ARL15: variants seen among roughly 807,000 people sequenced by gnomAD.
ARL15 encodes the protein ADP-ribosylation factor-like protein 15.
In ARL15, 19 loss-of-function variants were observed where a neutral mutation model predicts 25.2. The observed-to-expected ratio is 0.75, with a 90% confidence interval of 0.53 to 1.10. The LOEUF (loss-of-function observed/expected upper bound fraction) is 1.10. Ranked by LOEUF, ARL15 falls within the 50% of genes least tolerant of loss-of-function variation. The pLI, the probability that ARL15 is intolerant of heterozygous loss-of-function variation, is 0.00. For missense variants in ARL15, 220 were observed against 246.0 expected, an observed-to-expected ratio of 0.89 and a Z score of 0.71; for synonymous variants, 94 against 86.8, an observed-to-expected ratio of 1.08 and a Z score of -0.46.
intron 3 of ARL15, among the ~76,000 whole-genome samples, chr5:54,120,448 A>G (rs900770184): frequency 6.6e-6 from 1 of 152,192 alleles, no homozygotes; most frequent in South Asian, 2.1e-4. Flanking sequence ...TCCTTGGGAT[A>G]CTTTTTGATT....
At chr5:54,006,051 CAAAAAAAA>C (rs56094450) in intron 4 of ARL15, among the ~76,000 whole-genome samples, 4 of 57,568 alleles carry the variant, frequency 6.9e-5, no homozygotes, top group East Asian at 4.7e-4. Flanking sequence ...ATTACATCTC[CAAAAAAAA>C]AAAAAAAAAA....
At chr5:54,199,216 C>G (rs1431090546) in intron 1 of ARL15, among the ~76,000 whole-genome samples, 1 of 152,146 alleles carries the variant, frequency 6.6e-6, no homozygotes, top group Non-Finnish European at 1.5e-5. Flanking sequence ...CTAGGCAATA[C>G]TATTCAGGAC....
At chr5:54,267,419 G>A (rs1012517829) in intron 1 of ARL15, among the ~76,000 whole-genome samples, 8 of 152,208 alleles carry the variant, frequency 5.3e-5, no homozygotes, top group African/African-American at 1.4e-4. Context: ...AATGATCCTC[G>A]AAATTGTTTG....
chr5:53,983,884 C>A (rs577328704), intron 4 of ARL15, among the ~76,000 whole-genome samples: 28 of 152,264 alleles, frequency 1.8e-4, no homozygotes, highest in Admixed American at 1.6e-3. Flanking sequence ...GAACTGCTAA[C>A]CCTCCCACCA....
chr5:54,260,127 A>G (rs2112620039), intron 1 of ARL15, among the ~76,000 whole-genome samples: 1 of 152,298 alleles, frequency 6.6e-6, no homozygotes, highest in South Asian at 2.1e-4. Context: ...TCCCTTGGCC[A>G]TCCTAGCGTG....
intron 1 of ARL15, among the ~76,000 whole-genome samples, chr5:54,250,513 T>C (rs1192153546): frequency 6.6e-6 from 1 of 152,144 alleles, no homozygotes; most frequent in African/African-American, 2.4e-5. Flanking sequence ...AATACCTGAT[T>C]GTGCAGTCTC....
chr5:53,987,847 A>G (rs1479747553), intron 4 of ARL15, among the ~76,000 whole-genome samples: 2 of 152,234 alleles, frequency 1.3e-5, no homozygotes, highest in Non-Finnish European at 2.9e-5. Flanking sequence ...TCATGCCTGT[A>G]ATCCCAGCAC....
chr5:54,213,982 A>G (rs1756114805), intron 1 of ARL15, among the ~76,000 whole-genome samples: 1 of 152,206 alleles, frequency 6.6e-6, no homozygotes, highest in Non-Finnish European at 1.5e-5. Context: ...ATTTGAACAC[A>G]TATATGAGAG....
chr5:53,961,677 A>C (rs1747378833), intron 4 of ARL15, among the ~76,000 whole-genome samples: 2 of 152,192 alleles, frequency 1.3e-5, no homozygotes, highest in African/African-American at 4.8e-5. Context: ...ACATAGGTTT[A>C]GAAAATTCCA....
At chr5:53,998,003 T>G (rs1031775453) in intron 4 of ARL15, among the ~76,000 whole-genome samples, 1 of 151,094 alleles carries the variant, frequency 6.6e-6, no homozygotes, top group Non-Finnish European at 1.5e-5. Context: ...AGAGAAAATG[T>G]GATTTACTGA....
intron 4 of ARL15, among the ~76,000 whole-genome samples, chr5:54,034,004 G>A (rs1473822975): frequency 1.3e-5 from 2 of 151,962 alleles, no homozygotes; most frequent in Admixed American, 6.6e-5. Context: ...TAGTAAAGAC[G>A]GGGTTTCACC....
chr5:54,281,164 A>C (rs1758054301), intron 1 of ARL15, among the ~76,000 whole-genome samples: 2 of 152,280 alleles, frequency 1.3e-5, no homozygotes, highest in African/African-American at 4.8e-5. Flanking sequence ...TTTGAGACCG[A>C]GTTTCGCTCT....
chr5:53,964,440 T>A (rs6450174), intron 4 of ARL15, among the ~76,000 whole-genome samples: 30,359 of 151,950 alleles, frequency 0.2, 5,526 homozygotes, highest in African/African-American at 0.48. Context: ...GCTCACTGCA[T>A]GCTCCGCCTC....
At chr5:54,116,602 TC>T (rs1425926455) in intron 3 of ARL15, among the ~76,000 whole-genome samples, 1 of 152,212 alleles carries the variant, frequency 6.6e-6, no homozygotes, top group East Asian at 1.9e-4. Context: ...CAGAATGCTT[TC>T]ATTGAGTTTC....
intron 3 of ARL15, among the ~76,000 whole-genome samples, chr5:54,136,862 T>G (rs1484588277): frequency 6.6e-6 from 1 of 151,402 alleles, no homozygotes; most frequent in Non-Finnish European, 1.5e-5. Flanking sequence ...CAGGACAGTC[T>G]GCCTGGGTTT....
intron 4 of ARL15, among the ~76,000 whole-genome samples, chr5:54,083,896 T>C (rs1325262078): frequency 6.6e-6 from 1 of 152,200 alleles, no homozygotes; most frequent in Non-Finnish European, 1.5e-5. Flanking sequence ...AGATTTATCA[T>C]ACATATGCTA....
At chr5:54,263,833 C>T (rs1757558375) in intron 1 of ARL15, among the ~76,000 whole-genome samples, 1 of 152,128 alleles carries the variant, frequency 6.6e-6, no homozygotes, top group African/African-American at 2.4e-5. Context: ...GCACCTCCAA[C>T]TCACACATCT....
At position 54,261,975 on chromosome 5, in the gene ARL15, T is replaced by C. The variant is rs114749699; in HGVS notation, c.48+48457A>G. 7.7e-3 allele frequency among the ~76,000 whole-genome samples: 1,170 copies of C among 152,328 alleles called. 11 individuals are homozygous for C. Among genetic ancestry groups the C allele is most frequent in the African/African-American group, 0.027 (1,106 of 41,574 alleles). Reference sequence around the variant, plus strand: ...TAGACTAAGTTTATCTGGGATAATGTATGTTTTCAATATAAGACCTTTTCT... The same window carrying C: ...TAGACTAAGTTTATCTGGGATAATGCATGTTTTCAATATAAGACCTTTTCT... On this transcript the variant is annotated intron_variant, in intron 1 of 4. Transcript: ENST00000504924.
At chr5:54,125,009 T>C (rs192122014) in intron 3 of ARL15, among the ~76,000 whole-genome samples, 27 of 152,224 alleles carry the variant, frequency 1.8e-4, no homozygotes, top group African/African-American at 6.3e-4. Context: ...CTTCCTTGAA[T>C]AGGTATCTTC....
Sources: allele counts gnomAD v4.1 joint callset (sites outside exome capture counted in the v4.1 genomes callset), GRCh38; gene constraint gnomAD v4.1.1; transcripts MANE v1.5; gene names NCBI Gene and HGNC (gene_info 2026-07-23, HGNC 2026-07-21).